CNTNAP2: variants seen among roughly 807,000 people sequenced by gnomAD.
CNTNAP2 encodes the protein contactin-associated protein-like 2.
CNTNAP2 carries 98 observed loss-of-function variants against 155.2 expected under a neutral mutation model. The ratio of observed to expected loss-of-function variants is 0.63; its 90% CI spans 0.54 to 0.75. The LOEUF is 0.75. Among genes scored for constraint, CNTNAP2 ranks in the 30% least tolerant of loss-of-function variants. CNTNAP2 has a pLI of 0.00. For synonymous variants in CNTNAP2, 651 were observed against 631.2 expected (o/e 1.03, Z -0.47); for missense variants, 1,727 against 1,688.1 (o/e 1.02, Z -0.40).
chr7:146,978,500 G>T (rs893571293), intron 3 of CNTNAP2, among the ~76,000 whole-genome samples: 1 of 152,042 alleles, frequency 6.6e-6, no homozygotes, highest in Non-Finnish European at 1.5e-5. Flanking sequence ...TAATATCTAA[G>T]GCACTGTGAG....
rs1488905773 is a variant in CNTNAP2, at chr7:148,388,747, A to G, written c.3715+4859A>G. On this transcript the variant is annotated intron_variant, in intron 22 of 23. Coordinates refer to ENST00000361727, the MANE Select transcript of CNTNAP2 (RefSeq NM_014141.6). ...CTTTCTGTTTGTTAGTTTTCCTTCT[A>G]ACAGACAGGACCCTCAGCTGCAGGT... is the stretch of plus-strand genomic sequence containing the variant. 3.3e-5 allele frequency among the ~76,000 whole-genome samples: 5 copies of G among 152,058 alleles called. No homozygotes were observed. The East Asian group carries it at 9.7e-4, about 29-fold the overall frequency.
chr7:147,256,947 A>T (rs1804342833), intron 8 of CNTNAP2, among the ~76,000 whole-genome samples: 1 of 152,160 alleles, frequency 6.6e-6, no homozygotes, highest in African/African-American at 2.4e-5. Context: ...TAAGGGGGAA[A>T]AAGAGAAAAA....
chr7:148,084,029 C>T (rs1290957895), intron 15 of CNTNAP2, among the ~76,000 whole-genome samples: 2 of 152,190 alleles, frequency 1.3e-5, no homozygotes, highest in Non-Finnish European at 2.9e-5. Context: ...CAAAATGTTA[C>T]ATTCTGATTT....
intron 1 of CNTNAP2, among the ~76,000 whole-genome samples, chr7:146,544,781 G>A (rs13222136): frequency 0.62 from 94,345 of 151,636 alleles, 30,210 homozygotes; most frequent in African/African-American, 0.72. Flanking sequence ...GACCAATAGT[G>A]AAAATGTGGT....
At chr7:147,833,405 A>G (rs570451333) in intron 13 of CNTNAP2, among the ~76,000 whole-genome samples, 1 of 152,306 alleles carries the variant, frequency 6.6e-6, no homozygotes, top group East Asian at 1.9e-4. Context: ...TCCAGAGAGC[A>G]GTGATGTAAG....
intron 20 of CNTNAP2, among the ~76,000 whole-genome samples, chr7:148,255,886 G>T (rs10224515): frequency 6.6e-6 from 1 of 152,104 alleles, no homozygotes; most frequent in Non-Finnish European, 1.5e-5. Flanking sequence ...TTGAATATTG[G>T]TTCAAGGCTG....
intron 1 of CNTNAP2, among the ~76,000 whole-genome samples, chr7:146,528,097 A>G (rs1183713077): frequency 6.6e-6 from 1 of 152,210 alleles, no homozygotes; most frequent in Non-Finnish European, 1.5e-5. Flanking sequence ...AAACTCTCTT[A>G]GGGCACTGAA....
chr7:146,523,571 A>T (rs1797646441), intron 1 of CNTNAP2, among the ~76,000 whole-genome samples: 1 of 152,052 alleles, frequency 6.6e-6, no homozygotes, highest in African/African-American at 2.4e-5. Context: ...ATTTCCTTTT[A>T]TCAGTGCAGT....
chr7:148,008,475 C>T (rs1802018291), intron 15 of CNTNAP2, among the ~76,000 whole-genome samples: 1 of 152,218 alleles, frequency 6.6e-6, no homozygotes, highest in Non-Finnish European at 1.5e-5. Flanking sequence ...TTCCTTTCCT[C>T]TTCTCATTGT....
chr7:146,616,790 C>T (rs192835901), intron 1 of CNTNAP2, among the ~76,000 whole-genome samples: 6 of 152,278 alleles, frequency 3.9e-5, no homozygotes, highest in Non-Finnish European at 5.9e-5. Flanking sequence ...TGTAGCATTC[C>T]TTTTCTGTAT....
At chr7:146,943,354 T>C (rs1797094402) in intron 3 of CNTNAP2, among the ~76,000 whole-genome samples, 1 of 152,104 alleles carries the variant, frequency 6.6e-6, no homozygotes, top group Non-Finnish European at 1.5e-5. Context: ...TAGCCGGGTG[T>C]GGTGGCATGC....
In CNTNAP2 at chr7:147,109,250, T is replaced by C. The variant is rs76021462; in HGVS notation, c.754+900T>C. 3.9e-5 allele frequency among the ~76,000 whole-genome samples: 6 copies of C among 152,256 alleles called. No homozygotes were observed. The East Asian group carries it at 1.2e-3, about 29-fold the overall frequency. ...TTATCAGGGGAGATGCAGAGAAATA[T>C]GTCAATTAAGGAAATAATTTTAGTG... is the stretch of plus-strand genomic sequence containing the variant. On this transcript the variant is annotated intron_variant, in intron 5 of 23. Transcript: ENST00000361727.
chr7:148,086,682 G>T (rs1004553272), intron 15 of CNTNAP2, among the ~76,000 whole-genome samples: 2 of 151,802 alleles, frequency 1.3e-5, no homozygotes, highest in African/African-American at 4.8e-5. Flanking sequence ...TATTTTTATA[G>T]CTTCTTAGGG....
intron 1 of CNTNAP2, among the ~76,000 whole-genome samples, chr7:146,683,419 G>T (rs1036661994): frequency 1.3e-5 from 2 of 152,058 alleles, no homozygotes; most frequent in Non-Finnish European, 2.9e-5. Flanking sequence ...GTGTCAAATG[G>T]TTAATCTCTT....
chr7:148,016,922 G>A (rs530933074), intron 15 of CNTNAP2, among the ~76,000 whole-genome samples: 1 of 152,192 alleles, frequency 6.6e-6, no homozygotes, highest in Non-Finnish European at 1.5e-5. Flanking sequence ...GCTATGGATA[G>A]AGCATCCCTC....
chr7:147,086,987 A>G (rs1800292610), intron 4 of CNTNAP2, among the ~76,000 whole-genome samples: 1 of 152,176 alleles, frequency 6.6e-6, no homozygotes, highest in Non-Finnish European at 1.5e-5. Context: ...CTTAGAGAGA[A>G]TGTTGTGGTT....
intron 21 of CNTNAP2, among the ~76,000 whole-genome samples, chr7:148,369,157 T>G (rs528771616): frequency 3.2e-5 from 2 of 62,018 alleles, no homozygotes; most frequent in East Asian, 3.4e-3. Context: ...TATTTTTATA[T>G]TTTTTTTAAT....
At chr7:147,882,863 A>G (rs1202500381) in intron 13 of CNTNAP2, among the ~76,000 whole-genome samples, 2 of 152,250 alleles carry the variant, frequency 1.3e-5, no homozygotes, top group African/African-American at 2.4e-5. Context: ...TTTCTTGTGA[A>G]TAAAAAGTAT....
chr7:146,473,349 T>A (rs1796827657), intron 1 of CNTNAP2, among the ~76,000 whole-genome samples: 1 of 152,134 alleles, frequency 6.6e-6, no homozygotes, highest in African/African-American at 2.4e-5. Context: ...AGATAAAAAG[T>A]CCTTGAATTA....
Sources: allele counts gnomAD v4.1 joint callset (sites outside exome capture counted in the v4.1 genomes callset), GRCh38; gene constraint gnomAD v4.1.1; transcripts MANE v1.5; gene names NCBI Gene and HGNC (gene_info 2026-07-23, HGNC 2026-07-21).